Variants in LUZP2 observed in about 807,000 individuals in gnomAD.
The protein encoded by LUZP2 is leucine zipper protein 2.
A neutral mutation model predicts 51.6 loss-of-function variants in LUZP2; 52 were observed. That is an observed-to-expected ratio of 1.01 (90% CI 0.81 to 1.27). The LOEUF (loss-of-function observed/expected upper bound fraction) is 1.27, where lower values mean the gene tolerates loss of function less well. Ranked by LOEUF, LUZP2 falls within the 50% of genes most tolerant of loss-of-function variation. LUZP2 has a pLI of 0.00. For missense variants in LUZP2, 436 were observed against 395.4 expected (o/e 1.10, Z -0.87); for synonymous variants, 154 against 137.3 (o/e 1.12, Z -0.85).
chr11:24,982,617 G>C (rs1489528475), intron 8 of LUZP2, among the ~76,000 whole-genome samples: 1 of 151,772 alleles, frequency 6.6e-6, no homozygotes, highest in Non-Finnish European at 1.5e-5. Flanking sequence ...TGGAGGATGA[G>C]AGAAGGGAGA....
chr11:24,720,347 G>C (rs1359727093), intron 1 of LUZP2, among the ~76,000 whole-genome samples: 1 of 152,036 alleles, frequency 6.6e-6, no homozygotes, highest in Non-Finnish European at 1.5e-5. Context: ...TTTTTTCTAT[G>C]AAAATAAATG....
chr11:24,755,883 T>C (rs1299049668), intron 4 of LUZP2, among the ~76,000 whole-genome samples: 1 of 152,166 alleles, frequency 6.6e-6, no homozygotes, highest in Non-Finnish European at 1.5e-5. Context: ...GCTCTTTTTA[T>C]CTGTAAAGAG....
chr11:24,807,572 T>A (rs1564919475), intron 5 of LUZP2, among the ~76,000 whole-genome samples: 1 of 152,012 alleles, frequency 6.6e-6, no homozygotes, highest in East Asian at 1.9e-4. Flanking sequence ...TGTGCTCAGG[T>A]TCCACAAAGA....
chr11:24,558,241 G>T (rs1394896679), intron 1 of LUZP2, among the ~76,000 whole-genome samples: 4 of 152,056 alleles, frequency 2.6e-5, no homozygotes, highest in Non-Finnish European at 2.9e-5. Context: ...CTGTCAACTT[G>T]CTTGGTTCTG....
intron 1 of LUZP2, among the ~76,000 whole-genome samples, chr11:24,639,561 C>T (rs1590279711): frequency 1.3e-5 from 2 of 151,788 alleles, no homozygotes; most frequent in South Asian, 2.1e-4. Context: ...AAGCAATTCT[C>T]CTGCCGCAGC....
At chr11:24,970,773 C>T (rs1431431538) in intron 7 of LUZP2, among the ~76,000 whole-genome samples, 1 of 152,120 alleles carries the variant, frequency 6.6e-6, no homozygotes, top group Non-Finnish European at 1.5e-5. Context: ...ACTTAAGGTC[C>T]ATTCTGAGAA....
chr11:24,663,422 G>A (rs1483934900), intron 1 of LUZP2, among the ~76,000 whole-genome samples: 1 of 152,108 alleles, frequency 6.6e-6, no homozygotes, highest in Non-Finnish European at 1.5e-5. Context: ...TGTATAGCCT[G>A]TGGAACTATG....
chr11:24,873,897 G>GT (rs928825381), intron 5 of LUZP2, among the ~76,000 whole-genome samples: 6 of 152,150 alleles, frequency 3.9e-5, no homozygotes, highest in Non-Finnish European at 8.8e-5. Context: ...GTATAAAATA[G>GT]TAACTGTGAA....
At chr11:24,672,279 T>C (rs1856423451) in intron 1 of LUZP2, among the ~76,000 whole-genome samples, 1 of 152,142 alleles carries the variant, frequency 6.6e-6, no homozygotes, top group South Asian at 2.1e-4. Flanking sequence ...AAAATTAGTC[T>C]CCCTGAGTAC....
At chr11:24,711,291 A>C (rs1291924594) in intron 1 of LUZP2, among the ~76,000 whole-genome samples, 1 of 151,890 alleles carries the variant, frequency 6.6e-6, no homozygotes. Flanking sequence ...TCTACTAAAA[A>C]TACAAAAAAT....
chr11:24,535,145 A>C (rs1851137980), intron 1 of LUZP2, among the ~76,000 whole-genome samples: 2 of 151,612 alleles, frequency 1.3e-5, no homozygotes, highest in African/African-American at 4.8e-5. Flanking sequence ...CTTAAAAAAA[A>C]AAAAGGTAGT....
intron 9 of LUZP2, among the ~76,000 whole-genome samples, chr11:25,043,244 C>G (rs1434965879): frequency 6.6e-6 from 1 of 152,132 alleles, no homozygotes; most frequent in Non-Finnish European, 1.5e-5. Context: ...ATCTGAATAG[C>G]CTTAATATCA....
At chr11:24,923,128 G>A (rs1854122971) in intron 7 of LUZP2, among the ~76,000 whole-genome samples, 1 of 151,916 alleles carries the variant, frequency 6.6e-6, no homozygotes, top group East Asian at 2.0e-4. Flanking sequence ...GATGACCGGC[G>A]TGAGCCACCG....
At position 24,789,444 on chromosome 11, in the gene LUZP2, A is replaced by T. The variant is rs1025005778; in HGVS notation, c.396+26136A>T. Among the ~76,000 whole-genome samples the T allele has an allele frequency of 4.9e-4, 75 of 152,170 alleles. 1 individual carries two copies. Among genetic ancestry groups the T allele is most frequent in the Non-Finnish European group, 4.0e-4 (27 of 68,030 alleles). The stretch of plus-strand genomic sequence containing the variant: ...AGTTTCTCTTTACTCCCTACATGTT[A>T]GCAAATAGTTTTTCAATTAAATTTG... On this transcript the variant is annotated intron_variant, in intron 5 of 11. Coordinates refer to ENST00000336930, the MANE Select transcript of LUZP2 (RefSeq NM_001009909.4).
At chr11:24,774,450 G>A (rs1848853582) in intron 5 of LUZP2, among the ~76,000 whole-genome samples, 1 of 119,370 alleles carries the variant, frequency 8.4e-6, no homozygotes. Context: ...TATATATAAA[G>A]AATATATTCT....
At position 24,573,635 on chromosome 11, in the gene LUZP2, G is replaced by A. The variant is rs139912939; in HGVS notation, c.62+76330G>A. ...AGTGCCCCATTAGCGTGCTCTGTTA[G>A]GATTAGGAATTTGAAAGTGTTGAGA... On this transcript the variant is annotated intron_variant, in intron 1 of 11. Transcript: ENST00000336930. Among the ~76,000 whole-genome samples, 233 of 151,882 alleles carry A rather than the reference G, an allele frequency of 1.5e-3. 1 individual carries two copies. Among genetic ancestry groups the A allele is most frequent in the African/African-American group, 5.3e-3 (220 of 41,456 alleles).
At chr11:24,601,150 A>C (rs1369155295) in intron 1 of LUZP2, among the ~76,000 whole-genome samples, 1 of 152,076 alleles carries the variant, frequency 6.6e-6, no homozygotes, top group Non-Finnish European at 1.5e-5. Context: ...TGCTGACTTG[A>C]AGATGGAGGG....
chr11:24,847,143 CT>C (rs1851227237), intron 5 of LUZP2, among the ~76,000 whole-genome samples: 1 of 151,792 alleles, frequency 6.6e-6, no homozygotes, highest in African/African-American at 2.4e-5. Context: ...CTGTGAATTT[CT>C]TTAAAACTGG....
At chr11:24,776,348 A>T (rs1479043238) in intron 5 of LUZP2, among the ~76,000 whole-genome samples, 1 of 149,462 alleles carries the variant, frequency 6.7e-6, no homozygotes, top group Non-Finnish European at 1.5e-5. Flanking sequence ...TCCTGAGTCA[A>T]CCACCATGGT....
Sources: gnomAD v4.1 joint callset for allele counts (sites outside exome capture counted in the v4.1 genomes callset) on GRCh38, gnomAD v4.1.1 for gene constraint, MANE v1.5 for transcripts, NCBI Gene and HGNC (gene_info 2026-07-23, HGNC 2026-07-21) for gene names.